RCBTB2: variants seen among roughly 807,000 people sequenced by gnomAD.
The protein encoded by RCBTB2 is RCC1 and BTB domain-containing protein 2.
Under a neutral mutation model 65.4 loss-of-function variants are expected in RCBTB2, and 55 were observed. The ratio of observed to expected loss-of-function variants is 0.84; its 90% CI spans 0.68 to 1.05. The LOEUF is 1.05. RCBTB2 is among the 50% of genes least tolerant of loss of function. The probability of loss-of-function intolerance (pLI) is 0.00; values close to 1 mark genes in which losing one functional copy is unlikely to be tolerated. For missense variants in RCBTB2, 599 were observed against 680.1 expected, an observed-to-expected ratio of 0.88 and a Z score of 1.33; for synonymous variants, 220 against 255.2, an observed-to-expected ratio of 0.86 and a Z score of 1.31.
rs1950079224 is a variant in RCBTB2 at position 48,498,549 on chromosome 13, G to A, written c.1384+1072C>T. ...AGTTCAAGACCAGCCTGACCAACACGGAGAAACCTCGTTTCTACTAAAAAT... is the reference window on the plus strand; with the variant it reads ...AGTTCAAGACCAGCCTGACCAACACAGAGAAACCTCGTTTCTACTAAAAAT... On this transcript the variant is annotated intron_variant, in intron 13 of 14. Coordinates refer to ENST00000344532, the MANE Select transcript of RCBTB2 (RefSeq NM_001268.4). Among the ~76,000 whole-genome samples, 2 of 152,114 alleles carry A rather than the reference G, an allele frequency of 1.3e-5. 1 individual carries two copies. Among genetic ancestry groups the A allele is most frequent in the South Asian group, 4.1e-4 (2 of 4,826 alleles).
At chr13:48,512,367 AT>A (rs1950851139) in intron 7 of RCBTB2, among the ~76,000 whole-genome samples, 193 bp from the exon 8 acceptor site, 1 of 152,252 alleles carries the variant, frequency 6.6e-6, no homozygotes, top group Non-Finnish European at 1.5e-5. Context: ...CAATTAGGTT[AT>A]TGGTGTTATC....
intron 11 of RCBTB2, 50 bp from the exon 12 acceptor site, chr13:48,501,918 C>T (rs774376810): frequency 1.6e-5 from 26 of 1,576,612 alleles, no homozygotes; most frequent in Non-Finnish European, 2.1e-5. Context: ...ACATAATGAA[C>T]ACACAGGACA....
chr13:48,493,260 C>CAT (rs58426997), intron 14 of RCBTB2, among the ~76,000 whole-genome samples: 1 of 137,688 alleles, frequency 7.3e-6, no homozygotes, highest in Admixed American at 7.1e-5. Context: ...CACACACACA[C>CAT]TCTTCTCTCT....
intron 5 of RCBTB2, 53 bp downstream of exon 5, chr13:48,515,533 G>T: frequency 1.3e-6 from 2 of 1,486,138 alleles, no homozygotes; most frequent in South Asian, 1.3e-5. Context: ...TCTTCAATTT[G>T]GCAAATCCAT....
At chr13:48,533,581 T>G (rs1256458953), upstream of RCBTB2, among the ~76,000 whole-genome samples, 2 of 152,288 alleles carry the variant, frequency 1.3e-5, no homozygotes, top group Admixed American at 6.5e-5. Context: ...CCCCCTGTAG[T>G]ACAAATGCTG....
Position 48,512,104 on chromosome 13 carries a change from C to G in RCBTB2, c.587G>C (p.Arg196Pro), listed in dbSNP as rs374478911. Residue 196 changes from arginine to proline, a missense_variant, in exon 8 of 15, where the codon CGA (arginine) becomes CCA (proline). Coordinates refer to ENST00000344532, the MANE Select transcript of RCBTB2 (RefSeq NM_001268.4). ...SGSTVNQPIPRRVTGCLQNKV... is the reference protein window; with the variant it reads ...SGSTVNQPIPPRVTGCLQNKV... ...ATTTTGTAGGCAGCCAGTGACTCTT[C>G]GAGGGATTGGCTGATTAACTGTTGA... The G allele has an allele frequency of 1.2e-6, 2 of 1,613,986 alleles. No homozygotes were observed. The highest frequency in any genetic ancestry group is 1.6e-4 in the Middle Eastern group (1 of 6,084).
intron 4 of RCBTB2, among the ~76,000 whole-genome samples, chr13:48,520,931 TTATAAA>T (rs1268050779): frequency 3.9e-5 from 6 of 152,114 alleles, no homozygotes. Flanking sequence ...TCATTATATC[TTATAAA>T]TATATTCACT....
chr13:48,515,712 C>G lies in RCBTB2; in HGVS notation c.72G>C (p.Lys24Asn), dbSNP rs200765786. 1.2e-6 allele frequency: 2 copies of G among 1,612,614 alleles called. No homozygotes were observed. The highest frequency in any genetic ancestry group is 3.4e-5 in the Admixed American group (2 of 59,580). The change falls in exon 5 of 15, where the codon AAG becomes AAC. Residue 24 changes from lysine (K) to asparagine (N), a missense_variant. By Grantham distance (94) the Lys-to-Asn change is moderately conservative. Transcript: ENST00000344532. ...KPVQATLSSL[K>N]MLDVGKWPIF... is the part of the protein sequence containing the mutation. Reference sequence around the variant, plus strand: ...TTGGCCACTTTCCCACATCTAACATCTTCAAAGATGACAGAGTAGCCTGTA... The same window carrying G: ...TTGGCCACTTTCCCACATCTAACATGTTCAAAGATGACAGAGTAGCCTGTA...
upstream of RCBTB2, among the ~76,000 whole-genome samples, chr13:48,534,872 G>C (rs1451080264): frequency 1.3e-5 from 2 of 152,222 alleles, no homozygotes; most frequent in South Asian, 4.1e-4. Flanking sequence ...AGGAGTTAAA[G>C]TTCCCATCAC....
intron 14 of RCBTB2, among the ~76,000 whole-genome samples, chr13:48,493,607 C>A (rs1346982975): frequency 6.6e-6 from 1 of 151,996 alleles, no homozygotes. Flanking sequence ...ACTGTGCTCC[C>A]TCCACACCGG....
At position 48,515,613 on chromosome 13, in the gene RCBTB2, T is replaced by G. The variant is rs1951041605; in HGVS notation, c.171A>C (p.Glu57Asp). ...CATCATTTACTGTAGTGTATAAAACTTCATTGCCAGCACTGCCAAAGACAC... is the reference window on the plus strand; with the variant it reads ...CATCATTTACTGTAGTGTATAAAACGTCATTGCCAGCACTGCCAAAGACAC... ...QACVFGSAGN[E>D]VLYTTVNDEI... is the part of the protein sequence containing the mutation. Residue 57 changes from glutamate (E) to aspartate (D), a missense_variant, in exon 5 of 15, where the codon GAA becomes GAC. Glu to Asp is a conservative substitution (Grantham distance 45). Coordinates refer to ENST00000344532, the MANE Select transcript of RCBTB2 (RefSeq NM_001268.4). 6.2e-7 allele frequency: 1 copy of G among 1,611,352 alleles called. No homozygotes were observed. The highest frequency in any genetic ancestry group is 1.1e-5 in the South Asian group (1 of 90,376).
chr13:48,524,102 A>G (rs1951572008), intron 2 of RCBTB2, among the ~76,000 whole-genome samples: 1 of 152,008 alleles, frequency 6.6e-6, no homozygotes, highest in South Asian at 2.1e-4. Flanking sequence ...GCATTGTGGG[A>G]GATGGTTGGC....
chr13:48,529,694 A>C (rs1951997873), intron 1 of RCBTB2, among the ~76,000 whole-genome samples: 1 of 152,210 alleles, frequency 6.6e-6, no homozygotes, highest in African/African-American at 2.4e-5. Context: ...GAAAGCTGGA[A>C]GTATCATCTC....
upstream of RCBTB2, chr13:48,535,781 C>T (rs1025361178): frequency 4.4e-6 from 2 of 456,506 alleles, no homozygotes; most frequent in East Asian, 7.0e-5. Context: ...TCTCTTGGTT[C>T]GTCCATCTCA....
At chr13:48,496,091 T>C in intron 14 of RCBTB2, 100 bp downstream of exon 14, 1 of 1,146,700 alleles carries the variant, frequency 8.7e-7, no homozygotes, top group Non-Finnish European at 1.1e-6. Context: ...AAATATTAAA[T>C]ATTTCCTCTA....
intron 10 of RCBTB2, chr13:48,504,421 C>G: frequency 1.6e-5 from 10 of 625,478 alleles, no homozygotes; most frequent in Non-Finnish European, 2.0e-5. Flanking sequence ...TCTCATTGAC[C>G]TTCAATGACT....
intron 4 of RCBTB2, among the ~76,000 whole-genome samples, chr13:48,520,710 C>G (rs1566319613): frequency 6.6e-6 from 1 of 152,132 alleles, no homozygotes; most frequent in Non-Finnish European, 1.5e-5. Flanking sequence ...CTATGCTTCT[C>G]CAGCAATATG....
intron 14 of RCBTB2, chr13:48,491,655 C>T (rs1390949044): frequency 6.6e-6 from 1 of 152,202 alleles, no homozygotes; most frequent in Non-Finnish European, 1.5e-5. Flanking sequence ...TTCATACCTA[C>T]ACCACACACA....
At chr13:48,510,878 T>G (rs1014697686) in intron 9 of RCBTB2, 107 bp from the exon 10 acceptor site, 70 of 1,109,112 alleles carry the variant, frequency 6.3e-5, no homozygotes, top group Non-Finnish European at 8.5e-5. Context: ...AGAGGCAGCC[T>G]ACCCGTAGGA....
Sources: allele counts gnomAD v4.1 joint callset (sites outside exome capture counted in the v4.1 genomes callset), GRCh38; gene constraint gnomAD v4.1.1; transcripts MANE v1.5; gene names NCBI Gene and HGNC (gene_info 2026-07-23, HGNC 2026-07-21).